The following LRRC4C variants were observed in gnomAD, a reference collection of about 807,000 sequenced individuals.
LRRC4C encodes leucine-rich repeat-containing protein 4C.
In LRRC4C, 5 loss-of-function variants were observed where a neutral mutation model predicts 33.6. The observed-to-expected ratio is 0.15, with a 90% CI of 0.08 to 0.31. The LOEUF is 0.31. Among genes scored for constraint, LRRC4C ranks in the 10% least tolerant of loss-of-function variants. The pLI is 1.00. For missense variants in LRRC4C, 560 were observed against 796.7 expected (o/e 0.70, Z 3.58); for synonymous variants, 329 against 302.0 (o/e 1.09, Z -0.93).
In LRRC4C at chr11:40,556,006, A is replaced by T. The variant is rs184831302; in HGVS notation, c.-270+92136T>A. Among the ~76,000 whole-genome samples, 602 of 152,286 alleles carry T rather than the reference A, an allele frequency of 4.0e-3. 5 individuals carry two copies. The highest frequency in any genetic ancestry group is 0.018 in the Admixed American group (271 of 15,298). On this transcript the variant is annotated intron_variant, in intron 3 of 6. Transcript: ENST00000528697. ...AATTCTCATTTTGACCCAATAGAAAAAATGAAACTATAGCCTCTTCTTTCT... is the reference window on the plus strand; with the variant it reads ...AATTCTCATTTTGACCCAATAGAAATAATGAAACTATAGCCTCTTCTTTCT...
chr11:40,990,095 C>T (rs1853403194), intron 1 of LRRC4C, among the ~76,000 whole-genome samples: 2 of 150,608 alleles, frequency 1.3e-5, no homozygotes, highest in South Asian at 4.2e-4. Context: ...GAACTAATCC[C>T]CCAAGGATAC....
chr11:40,305,678 C>T, intron 4 of LRRC4C, among the ~76,000 whole-genome samples: 1 of 151,922 alleles, frequency 6.6e-6, no homozygotes, highest in African/African-American at 2.4e-5. Flanking sequence ...TGGATAAAAG[C>T]CTGGGCTCTT....
intron 3 of LRRC4C, among the ~76,000 whole-genome samples, chr11:40,617,682 A>G (rs1320053820): frequency 6.6e-6 from 1 of 151,704 alleles, no homozygotes; most frequent in East Asian, 1.9e-4. Flanking sequence ...TTTTCCGAAA[A>G]TATTTTGATA....
chr11:40,870,359 G>A (rs1260784694), intron 2 of LRRC4C, among the ~76,000 whole-genome samples: 1 of 152,014 alleles, frequency 6.6e-6, no homozygotes, highest in African/African-American at 2.4e-5. Context: ...TATGTACCTG[G>A]TATATGCACC....
chr11:40,353,773 T>C (rs1472745633), intron 3 of LRRC4C, among the ~76,000 whole-genome samples: 3 of 152,204 alleles, frequency 2.0e-5, no homozygotes, highest in African/African-American at 7.2e-5. Context: ...ATTACTTCTC[T>C]CTGTTATCTC....
chr11:40,757,322 A>G (rs890452019), intron 2 of LRRC4C, among the ~76,000 whole-genome samples: 1 of 152,024 alleles, frequency 6.6e-6, no homozygotes, highest in African/African-American at 2.4e-5. Flanking sequence ...TAGATGGCCT[A>G]TGTTATATTA....
At chr11:41,124,230 C>G (rs747864982) in intron 1 of LRRC4C, among the ~76,000 whole-genome samples, 4 of 152,100 alleles carry the variant, frequency 2.6e-5, no homozygotes, top group Non-Finnish European at 5.9e-5. Context: ...GTATTATTAG[C>G]ATCAATTTAG....
At chr11:40,286,983 C>A (rs992886154) in intron 4 of LRRC4C, among the ~76,000 whole-genome samples, 8 of 151,936 alleles carry the variant, frequency 5.3e-5, no homozygotes, top group Non-Finnish European at 1.2e-4. Context: ...AACTAGTTTC[C>A]TAAGAACAAT....
chr11:40,841,673 T>C (rs1431589589), intron 2 of LRRC4C, among the ~76,000 whole-genome samples: 1 of 152,204 alleles, frequency 6.6e-6, no homozygotes, highest in Non-Finnish European at 1.5e-5. Flanking sequence ...ATAATGTTTA[T>C]GTTACCCTGT....
intron 3 of LRRC4C, among the ~76,000 whole-genome samples, chr11:40,646,697 T>C (rs986040224): frequency 3.9e-5 from 6 of 152,122 alleles, no homozygotes; most frequent in South Asian, 2.1e-4. Flanking sequence ...AGCTCCGCCC[T>C]CCGGGTTCAC....
chr11:40,953,866 T>G (rs1958831849), intron 1 of LRRC4C, among the ~76,000 whole-genome samples: 1 of 151,886 alleles, frequency 6.6e-6, no homozygotes, highest in African/African-American at 2.4e-5. Flanking sequence ...TCTTATATTT[T>G]TATCTTATTT....
intron 3 of LRRC4C, among the ~76,000 whole-genome samples, chr11:40,527,444 G>C (rs560234203): frequency 6.6e-6 from 1 of 152,154 alleles, no homozygotes; most frequent in Non-Finnish European, 1.5e-5. Flanking sequence ...TGGCACTGAT[G>C]TAAGAAAGTG....
At chr11:40,143,722 C>A (rs992509242) in intron 5 of LRRC4C, among the ~76,000 whole-genome samples, 2 of 152,150 alleles carry the variant, frequency 1.3e-5, no homozygotes, top group Non-Finnish European at 2.9e-5. Context: ...TCTCATAATT[C>A]TCTGTCCCCT....
At chr11:40,515,611 T>C (rs554296938) in intron 3 of LRRC4C, among the ~76,000 whole-genome samples, 1 of 152,172 alleles carries the variant, frequency 6.6e-6, no homozygotes, top group East Asian at 1.9e-4. Context: ...TAAGAGTAGA[T>C]TTCTAATTTT....
chr11:41,385,707 C>A (rs1457375461), intron 1 of LRRC4C, among the ~76,000 whole-genome samples: 1 of 150,212 alleles, frequency 6.7e-6, no homozygotes, highest in Non-Finnish European at 1.5e-5. Context: ...ATGAAGTGAA[C>A]AAAATAATAT....
Position 41,045,765 on chromosome 11 carries a change from T to C in LRRC4C, c.-495-112042A>G, listed in dbSNP as rs538576410. ...CTTCCATCTAGAAAGTATTTTCCTA[T>C]CTCAGTGAGAGGTGAGACTTTGATA... is the stretch of plus-strand genomic sequence containing the variant. On this transcript the variant is annotated intron_variant, in intron 1 of 6. Transcript: ENST00000528697. Among the ~76,000 whole-genome samples the C allele has an allele frequency of 7.2e-5, 11 of 152,156 alleles. No individual in the cohort carries two copies. The East Asian group carries it at 2.1e-3, about 29-fold the overall frequency.
At chr11:40,807,953 A>G (rs1160594382) in intron 2 of LRRC4C, among the ~76,000 whole-genome samples, 1 of 152,148 alleles carries the variant, frequency 6.6e-6, no homozygotes, top group Non-Finnish European at 1.5e-5. Flanking sequence ...TTGGAAAAAA[A>G]TTACATCAGG....
intron 5 of LRRC4C, among the ~76,000 whole-genome samples, chr11:40,222,999 G>T (rs1336086240): frequency 1.4e-5 from 2 of 142,248 alleles, no homozygotes; most frequent in African/African-American, 5.2e-5. Flanking sequence ...TCTCATTGGA[G>T]CAAAGGCATA....
chr11:41,048,951 C>T (rs933250025), intron 1 of LRRC4C, among the ~76,000 whole-genome samples: 6 of 152,136 alleles, frequency 3.9e-5, no homozygotes, highest in Admixed American at 6.6e-5. Context: ...GTGAATGAAG[C>T]ATTGTATGCA....
Sources: gnomAD v4.1 joint callset for allele counts (sites outside exome capture counted in the v4.1 genomes callset) on GRCh38, gnomAD v4.1.1 for gene constraint, MANE v1.5 for transcripts, NCBI Gene and HGNC (gene_info 2026-07-23, HGNC 2026-07-21) for gene names.